Variants in MAEL observed in about 807,000 individuals in gnomAD.
MAEL encodes the protein protein maelstrom homolog.
A neutral mutation model predicts 62.0 loss-of-function variants in MAEL; 46 were observed. The ratio of observed to expected loss-of-function variants is 0.74; its 90% CI spans 0.59 to 0.95. The LOEUF (loss-of-function observed/expected upper bound fraction) is 0.95. Ranked by LOEUF, MAEL falls within the 40% of genes least tolerant of loss-of-function variation. MAEL has a pLI of 0.00. For missense variants in MAEL, 497 were observed against 526.8 expected, an observed-to-expected ratio of 0.94 and a Z score of 0.55; for synonymous variants, 172 against 175.5, an observed-to-expected ratio of 0.98 and a Z score of 0.16.
intron 1 of MAEL, among the ~76,000 whole-genome samples, chr1:166,975,991 T>G (rs1663566511): frequency 6.6e-6 from 1 of 151,896 alleles, no homozygotes; most frequent in Admixed American, 6.5e-5. Context: ...GCTTCTGCGG[T>G]ACCCCCGCCC....
chr1:167,016,168 A>G (rs1557987678), intron 8 of MAEL, 54 bp from the exon 9 acceptor site: 6 of 1,460,454 alleles, frequency 4.1e-6, no homozygotes, highest in Non-Finnish European at 5.8e-6. Flanking sequence ...GCATATAAAA[A>G]CCTTTAAGCA....
Position 167,005,335 on chromosome 1 carries a change from C to G in MAEL, c.783C>G (p.Pro261=). 6.2e-7 allele frequency: 1 copy of G among 1,613,606 alleles called. No homozygotes were observed. Among genetic ancestry groups the G allele is most frequent in the Non-Finnish European group, 8.5e-7 (1 of 1,179,748 alleles). ...ACCAACAAAAATTTCTCAAGGAGCCCTCTAAGACTTGGATTCGAAGCCTCC... is the reference window on the plus strand; with the variant it reads ...ACCAACAAAAATTTCTCAAGGAGCCGTCTAAGACTTGGATTCGAAGCCTCC... ...GIYQQKFLKE[P]SKTWIRSLLD... is the part of the protein sequence containing the mutation. Residue 261 remains proline (P), a synonymous_variant, in exon 8 of 12, where the codon CCC becomes CCG. Coordinates refer to ENST00000367872, the MANE Select transcript of MAEL (RefSeq NM_032858.3).
chr1:166,989,215 G>A, upstream of MAEL: 1 of 1,166,272 alleles, frequency 8.6e-7, no homozygotes, highest in Non-Finnish European at 1.2e-6. Context: ...GGGGCAATGC[G>A]ACTGCGCGTC....
chr1:166,987,826 C>G (rs754090951), upstream of MAEL, among the ~76,000 whole-genome samples: 20 of 152,114 alleles, frequency 1.3e-4, no homozygotes, highest in Non-Finnish European at 2.6e-4. Flanking sequence ...GCTCTACCAA[C>G]CTGTCAAGGA....
chr1:167,012,183 C>G (rs1665195494), intron 8 of MAEL, among the ~76,000 whole-genome samples: 1 of 152,138 alleles, frequency 6.6e-6, no homozygotes, highest in Non-Finnish European at 1.5e-5. Context: ...CTCTTAAATG[C>G]TTACTAAAAG....
chr1:166,989,910 T>G (rs770793006), intron 2 of MAEL, 81 bp downstream of exon 2: 15 of 1,117,580 alleles, frequency 1.3e-5, no homozygotes, highest in Non-Finnish European at 1.9e-5. Flanking sequence ...AATGAGTGAA[T>G]GTCAAGGGTG....
At chr1:167,004,121 C>A in intron 5 of MAEL, 59 bp from the exon 6 acceptor site, 1 of 1,493,304 alleles carries the variant, frequency 6.7e-7, no homozygotes, top group Non-Finnish European at 9.2e-7. Flanking sequence ...CACTTCTATA[C>A]CTACCCCATA....
In MAEL at chr1:166,994,063, G is replaced by A; in HGVS notation, c.517G>A (p.Ala173Thr). 2 of 1,613,078 alleles carry A rather than the reference G, an allele frequency of 1.2e-6. No homozygotes were observed. The highest frequency in any genetic ancestry group is 1.7e-6 in the Non-Finnish European group (2 of 1,179,468). The change falls in exon 5 of 12, where the codon GCT (alanine) becomes ACT (threonine). Residue 173 changes from alanine to threonine, a missense_variant. Transcript: ENST00000367872. ...ACGAGGATTTCGATTTCATTGTCAG[G>A]CTGCAAGTAAGTATAAAGGAATGGG... ...IPRGFRFHCQ[A>T]ASDSSHKIPI... is the part of the protein sequence containing the mutation.
At chr1:166,983,322 C>T (rs1264167177) in intron 1 of MAEL, among the ~76,000 whole-genome samples, 1 of 152,182 alleles carries the variant, frequency 6.6e-6, no homozygotes, top group African/African-American at 2.4e-5. Flanking sequence ...ACTGGGTCTT[C>T]CTTCTCTGGC....
chr1:167,010,441 C>T (rs558300294), intron 8 of MAEL, among the ~76,000 whole-genome samples: 51 of 151,722 alleles, frequency 3.4e-4, no homozygotes, highest in Non-Finnish European at 4.6e-4. Context: ...TTTCTGTTTT[C>T]TTTTCTTTTC....
At chr1:167,013,226 C>G (rs775631975) in intron 8 of MAEL, among the ~76,000 whole-genome samples, 18 of 152,174 alleles carry the variant, frequency 1.2e-4, no homozygotes, top group Non-Finnish European at 2.4e-4. Flanking sequence ...GTGCTGGGCA[C>G]TGAAGATACA....
intron 1 of MAEL, among the ~76,000 whole-genome samples, chr1:166,980,265 A>G (rs933133185): frequency 1.3e-5 from 2 of 151,988 alleles, no homozygotes; most frequent in Non-Finnish European, 2.9e-5. Context: ...GCCTCAAGCA[A>G]TCCTCCAACC....
chr1:167,002,164 T>C (rs1664698318), intron 5 of MAEL, among the ~76,000 whole-genome samples: 2 of 152,242 alleles, frequency 1.3e-5, no homozygotes, highest in Admixed American at 6.5e-5. Context: ...ACATATAATA[T>C]ACCGAGTTTG....
At chr1:167,012,430 T>A (rs1387259644) in intron 8 of MAEL, 2 of 152,206 alleles carry the variant, frequency 1.3e-5, no homozygotes, top group Non-Finnish European at 2.9e-5. Context: ...CTGTCTATGA[T>A]CAGCTGACTA....
intron 10 of MAEL, among the ~76,000 whole-genome samples, 157 bp downstream of exon 10, chr1:167,018,116 C>A (rs1665473636): frequency 6.6e-6 from 1 of 152,104 alleles, no homozygotes; most frequent in African/African-American, 2.4e-5. Flanking sequence ...AGTTCCTAAT[C>A]CAGTTGTGTC....
intron 5 of MAEL, among the ~76,000 whole-genome samples, chr1:167,002,125 A>G (rs1664696828): frequency 1.3e-5 from 2 of 152,126 alleles, no homozygotes; most frequent in Admixed American, 6.6e-5. Context: ...TCTTCCAGGA[A>G]CAAACCCAGT....
At chr1:167,017,681 A>G in intron 9 of MAEL, 146 bp from the exon 10 acceptor site, 1 of 600,096 alleles carries the variant, frequency 1.7e-6, no homozygotes, top group Non-Finnish European at 2.7e-6. Context: ...ATTTATTTAT[A>G]TGTCTTCTCT....
upstream of MAEL, among the ~76,000 whole-genome samples, chr1:166,987,841 A>G (rs1021750033): frequency 6.6e-6 from 1 of 152,192 alleles, no homozygotes; most frequent in African/African-American, 2.4e-5. Context: ...CAAGGAATAG[A>G]TAATTCCCAT....
upstream of MAEL, among the ~76,000 whole-genome samples, chr1:166,986,972 G>GTGTA (rs1188610374): frequency 6.6e-6 from 1 of 151,284 alleles, no homozygotes; most frequent in Non-Finnish European, 1.5e-5. Flanking sequence ...GTGTGTGTGT[G>GTGTA]TGTGTGTGTT....
Sources: allele counts gnomAD v4.1 joint callset (sites outside exome capture counted in the v4.1 genomes callset), GRCh38; gene constraint gnomAD v4.1.1; transcripts MANE v1.5; gene names NCBI Gene and HGNC (gene_info 2026-07-23, HGNC 2026-07-21).